Variants in PLCG2 observed in about 807,000 individuals in gnomAD.
PLCG2 encodes phospholipase C gamma 2.
A neutral mutation model predicts 175.6 loss-of-function variants in PLCG2; 69 were observed. That is an observed-to-expected ratio of 0.39 (90% CI 0.32 to 0.48). The LOEUF (loss-of-function observed/expected upper bound fraction) is 0.48, where lower values mean the gene tolerates loss of function less well. PLCG2 is among the 20% of genes least tolerant of loss of function. The pLI is 0.91. For missense variants in PLCG2, 1,798 were observed against 1,650.9 expected (o/e 1.09, Z -1.54); for synonymous variants, 827 against 624.0 (o/e 1.33, Z -4.85).
At chr16:81,743,836 G>A (rs538580302) in intron 1 of PLCG2, among the ~76,000 whole-genome samples, 1 of 151,658 alleles carries the variant, frequency 6.6e-6, no homozygotes, top group Non-Finnish European at 1.5e-5. Flanking sequence ...TCAGTTACAT[G>A]AGGGGATAAC....
At position 81,938,816 on chromosome 16, in the gene PLCG2, C is replaced by T. The variant is rs1910821703; in HGVS notation, c.3214C>T (p.His1072Tyr). Reference sequence around the variant, plus strand: ...GGTGTCCCAGGTTCTCGGTGCTCGCCATCTCCCCAAACTTGGACGAAGTAT... The same window carrying T: ...GGTGTCCCAGGTTCTCGGTGCTCGCTATCTCCCCAAACTTGGACGAAGTAT... ...TLTVKVLGAR[H>Y]LPKLGRSIAC... Residue 1072 changes from histidine to tyrosine, a missense_variant, in exon 29 of 33, where the codon CAT becomes TAT. His to Tyr is a moderately conservative substitution (Grantham distance 83, BLOSUM62 2). Transcript: ENST00000564138. 6.2e-7 allele frequency: 1 copy of T among 1,610,206 alleles called. No homozygotes were observed. Among genetic ancestry groups the T allele is most frequent in the Non-Finnish European group, 8.5e-7 (1 of 1,177,672 alleles).
At position 81,961,764 on chromosome 16, in the gene PLCG2, T is replaced by C. The variant is rs1317320075; in HGVS notation, c.*3766T>C. On this transcript the variant is annotated 3_prime_UTR_variant, in exon 33 of 33. Transcript: ENST00000564138. Reference sequence around the variant, plus strand: ...CTCCTGGGCTAAATTTAAAAAGTAATACAACAGTTTTATTTAAACATGTAG... The same window carrying C: ...CTCCTGGGCTAAATTTAAAAAGTAACACAACAGTTTTATTTAAACATGTAG... The C allele has an allele frequency of 4.9e-6, 1 of 204,188 alleles. No individual in the cohort carries two copies. The highest frequency in any genetic ancestry group is 1.0e-5 in the Non-Finnish European group (1 of 99,708). 12.6% of individuals were successfully genotyped at this position (204,188 alleles called of 1,614,324 possible).
At chr16:81,782,522 C>T (rs1910785180) in intron 1 of PLCG2, among the ~76,000 whole-genome samples, 1 of 152,168 alleles carries the variant, frequency 6.6e-6, no homozygotes. Flanking sequence ...CGCTGGAGAC[C>T]TGAGCTGGGT....
At chr16:81,897,548 CT>C (rs10710027) in intron 13 of PLCG2, among the ~76,000 whole-genome samples, 33,226 of 128,086 alleles carry the variant, frequency 0.26, 3,100 homozygotes, top group African/African-American at 0.37. Flanking sequence ...CTTTTCTTTT[CT>C]TTTTTTTTTT....
chr16:81,870,083 C>G (rs2143529830), intron 6 of PLCG2, among the ~76,000 whole-genome samples: 1 of 152,254 alleles, frequency 6.6e-6, no homozygotes, highest in Non-Finnish European at 1.5e-5. Flanking sequence ...TATCAAGCAT[C>G]CTTTGACCTG....
In PLCG2 at chr16:81,836,336, G is replaced by C. The variant is rs138648611; in HGVS notation, c.194-18108G>C. Among the ~76,000 whole-genome samples, 776 of 152,338 alleles carry C rather than the reference G, an allele frequency of 5.1e-3. 9 individuals carry two copies. Among genetic ancestry groups the C allele is most frequent in the African/African-American group, 0.017 (724 of 41,578 alleles). ...GTGCCCTGTATTGGCCCACGTGTCA[G>C]CCATGGACTCGTATTCCCACTGGTG... is the stretch of plus-strand genomic sequence containing the variant. On this transcript the variant is annotated intron_variant, in intron 2 of 32. Coordinates refer to ENST00000564138, the MANE Select transcript of PLCG2 (RefSeq NM_002661.5).
In PLCG2 at chr16:81,908,607, C is replaced by T; in HGVS notation, c.1733+16C>T. ...TGTCCTTCTGGTAATGCCCCCGACC[C>T]AGGGAACGCCTACCTTCTTCTCCAT... On this transcript the variant is annotated intron_variant, in intron 17 of 32. Coordinates refer to ENST00000564138, the MANE Select transcript of PLCG2 (RefSeq NM_002661.5). 2 of 1,591,688 alleles carry T rather than the reference C, an allele frequency of 1.3e-6. No homozygotes were observed. Among genetic ancestry groups the T allele is most frequent in the Non-Finnish European group, 1.7e-6 (2 of 1,168,172 alleles).
At chr16:81,794,852 C>T (rs1489093761) in intron 2 of PLCG2, among the ~76,000 whole-genome samples, 2 of 152,110 alleles carry the variant, frequency 1.3e-5, no homozygotes, top group Non-Finnish European at 2.9e-5. Flanking sequence ...TTCCTGCACC[C>T]GATGGATTGT....
intron 31 of PLCG2, among the ~76,000 whole-genome samples, chr16:81,953,234 G>A (rs932534754): frequency 2.6e-4 from 40 of 152,180 alleles, no homozygotes; most frequent in African/African-American, 8.7e-4. Flanking sequence ...GATTGGATGT[G>A]GGAACAGGAA....
At chr16:81,749,480 G>T (rs923199503) in intron 1 of PLCG2, among the ~76,000 whole-genome samples, 1 of 152,142 alleles carries the variant, frequency 6.6e-6, no homozygotes, top group African/African-American at 2.4e-5. Flanking sequence ...AGCCTCCTGA[G>T]TAGCTGGGAT....
intron 31 of PLCG2, among the ~76,000 whole-genome samples, chr16:81,956,294 T>A (rs149311272): frequency 1.3e-5 from 2 of 152,332 alleles, no homozygotes; most frequent in African/African-American, 4.8e-5. Context: ...AGTTCTCATG[T>A]CATGCTGTTT....
chr16:81,774,111 T>G (rs1396716309), intron 2 of PLCG2, among the ~76,000 whole-genome samples: 2 of 139,220 alleles, frequency 1.4e-5, no homozygotes, highest in East Asian at 4.5e-4. Flanking sequence ...GTGGGTGGAC[T>G]GCCAGAGCTC....
chr16:81,938,797 C>T lies in PLCG2; in HGVS notation c.3199-4C>T, dbSNP rs1201101148. 3.8e-6 allele frequency: 6 copies of T among 1,593,184 alleles called. No homozygotes were observed. The highest frequency in any genetic ancestry group is 5.2e-6 in the Non-Finnish European group (6 of 1,163,674). On this transcript the variant is annotated splice_polypyrimidine_tract_variant and splice_region_variant and intron_variant, in intron 28 of 32. Transcript: ENST00000564138. Reference sequence around the variant, plus strand: ...GGTTCCAATGCTTCCCTTTGGTGTCCCAGGTTCTCGGTGCTCGCCATCTCC... The same window carrying T: ...GGTTCCAATGCTTCCCTTTGGTGTCTCAGGTTCTCGGTGCTCGCCATCTCC...
chr16:81,804,573 C>T (rs967525134), intron 2 of PLCG2, among the ~76,000 whole-genome samples: 2 of 152,158 alleles, frequency 1.3e-5, no homozygotes, highest in Admixed American at 6.5e-5. Flanking sequence ...CACAAAAGGA[C>T]CATTTTTTGA....
In PLCG2 at chr16:81,883,354, G is replaced by C; in HGVS notation, c.765+13G>C. 1 of 1,609,606 alleles carries C rather than the reference G, an allele frequency of 6.2e-7. No homozygotes were observed. The highest frequency in any genetic ancestry group is 8.5e-7 in the Non-Finnish European group (1 of 1,176,168). ...ACATGAACAGCAGGTGAGAGCACAA[G>C]GTGTGTGGGTGCCTGAGGGAGCTGG... On this transcript the variant is annotated intron_variant, in intron 9 of 32. Transcript: ENST00000564138.
intron 7 of PLCG2, 50 bp downstream of exon 7, chr16:81,870,985 T>C (rs1158815237): frequency 9.7e-7 from 1 of 1,025,732 alleles, no homozygotes; most frequent in East Asian, 2.5e-5. Context: ...GTTTTCCATG[T>C]ATTTCCAAGT....
chr16:81,793,313 C>G (rs117360379), intron 2 of PLCG2, among the ~76,000 whole-genome samples: 3 of 152,150 alleles, frequency 2.0e-5, no homozygotes, highest in African/African-American at 4.8e-5. Flanking sequence ...TCTGAGGGAC[C>G]TAGTTGAGCA....
intron 31 of PLCG2, 57 bp downstream of exon 31, chr16:81,946,320 G>C (rs1211834057): frequency 3.2e-6 from 4 of 1,253,410 alleles, no homozygotes; most frequent in Non-Finnish European, 4.7e-6. Context: ...GGTGAGGGTA[G>C]AAACGGCCCG....
intron 26 of PLCG2, chr16:81,935,636 G>A (rs1321107597): frequency 2.5e-5 from 25 of 985,276 alleles, no homozygotes; most frequent in Non-Finnish European, 3.0e-5. Flanking sequence ...GGCTCAGCAT[G>A]TTGACTGCCG....
Sources: allele counts gnomAD v4.1 joint callset (sites outside exome capture counted in the v4.1 genomes callset), GRCh38; gene constraint gnomAD v4.1.1; transcripts MANE v1.5; gene names NCBI Gene and HGNC (gene_info 2026-07-23, HGNC 2026-07-21).